LGMN: variants seen among roughly 807,000 people sequenced by gnomAD.
The protein encoded by LGMN is asparaginyl endopeptidase.
Under a neutral mutation model 56.8 loss-of-function variants are expected in LGMN, and 36 were observed. That is an observed-to-expected ratio of 0.63 (90% CI 0.49 to 0.84). The LOEUF (loss-of-function observed/expected upper bound fraction) is 0.84, where lower values mean the gene tolerates loss of function less well. LGMN is among the 40% of genes least tolerant of loss of function. LGMN has a pLI of 0.00. For synonymous variants in LGMN, 199 were observed against 210.1 expected (o/e 0.95, Z 0.46); for missense variants, 446 against 556.1 (o/e 0.80, Z 1.99).
At chr14:92,710,120 A>G (rs1200077074) in intron 10 of LGMN, among the ~76,000 whole-genome samples, 3 of 152,156 alleles carry the variant, frequency 2.0e-5, no homozygotes, top group Non-Finnish European at 4.4e-5. Flanking sequence ...GAGCCCCTGA[A>G]ATCTACCAGT....
intron 1 of LGMN, among the ~76,000 whole-genome samples, chr14:92,747,035 CAAAAAA>C (rs35615315): frequency 1.3e-4 from 10 of 78,978 alleles, no homozygotes; most frequent in Non-Finnish European, 2.3e-4. Context: ...GACTCCGTCT[CAAAAAA>C]AAAAAAAAAA....
At chr14:92,743,449 G>A (rs984611526) in intron 1 of LGMN, among the ~76,000 whole-genome samples, 1 of 151,712 alleles carries the variant, frequency 6.6e-6, no homozygotes, top group African/African-American at 2.4e-5. Context: ...CTTGCAGTGA[G>A]CCAGGATTGC....
At chr14:92,722,127 G>A (rs1186465004) in intron 2 of LGMN, among the ~76,000 whole-genome samples, 1 of 151,448 alleles carries the variant, frequency 6.6e-6, no homozygotes, top group South Asian at 2.1e-4. Flanking sequence ...GGTCTCTGAA[G>A]GGAAGGGAAG....
chr14:92,728,321 T>A (rs1890847304), intron 2 of LGMN, among the ~76,000 whole-genome samples: 1 of 152,208 alleles, frequency 6.6e-6, no homozygotes, highest in Non-Finnish European at 1.5e-5. Context: ...GGGTTCACGC[T>A]CCTATTAGAA....
At chr14:92,722,373 G>T (rs1890521109) in intron 2 of LGMN, among the ~76,000 whole-genome samples, 1 of 152,106 alleles carries the variant, frequency 6.6e-6, no homozygotes, top group South Asian at 2.1e-4. Context: ...TTGAGGTCAG[G>T]AGTTCGAGAC....
At chr14:92,713,015 T>A in intron 7 of LGMN, 144 bp from the exon 8 acceptor site, 2 of 645,342 alleles carry the variant, frequency 3.1e-6, no homozygotes, top group Non-Finnish European at 5.2e-6. Context: ...GTAAAGAGGC[T>A]GCTGCCAGAA....
chr14:92,733,302 C>T (rs1454675213), intron 1 of LGMN, among the ~76,000 whole-genome samples: 1 of 152,126 alleles, frequency 6.6e-6, no homozygotes, highest in Admixed American at 6.6e-5. Context: ...CCAGCCTGTG[C>T]GTGGAGAAGG....
rs765619026 is a variant in LGMN at position 92,712,807 on chromosome 14, T to C, written c.608A>G (p.Asn203Ser). ...AGGCCGGCGCCCCAACCACCTACCA[T>C]TGATGTTATCCGGCAGGTGGTTCAT... ...SMMNHLPDNI[N>S]VYATTAANPR... Residue 203 changes from asparagine to serine, a missense_variant and splice_region_variant, in exon 8 of 14, where the codon AAT becomes AGT. Physicochemically the swap from Asn to Ser is conservative, Grantham distance 46 (BLOSUM62 1). Coordinates refer to ENST00000334869, the MANE Select transcript of LGMN (RefSeq NM_005606.7). The C allele has an allele frequency of 4.3e-6, 7 of 1,613,674 alleles. No homozygotes were observed. Among genetic ancestry groups the C allele is most frequent in the Admixed American group, 3.3e-5 (2 of 59,990 alleles).
chr14:92,723,069 C>T lies in LGMN; in HGVS notation c.139-4225G>A, dbSNP rs564845726. ...TCTAAATTTTTTTTTTTTTTTGAGA[C>T]AGAGTCTTGTTCTGTCGCCCAGACT... is the stretch of plus-strand genomic sequence containing the variant. On this transcript the variant is annotated intron_variant, in intron 2 of 13. Coordinates refer to ENST00000334869, the MANE Select transcript of LGMN (RefSeq NM_005606.7). Among the ~76,000 whole-genome samples, 1,049 of 150,318 alleles carry T rather than the reference C, an allele frequency of 7.0e-3. 12 individuals are homozygous for T. The highest frequency in any genetic ancestry group is 0.024 in the African/African-American group (993 of 40,646).
At position 92,704,994 on chromosome 14, in the gene LGMN, C is replaced by T. The variant is rs573895536; in HGVS notation, c.1192-287G>A. ...GGGAACTCCCGATGGCTCTGCTCCCCGCCATGGCCTGGGATCTCCCCGGGA... is the reference window on the plus strand; with the variant it reads ...GGGAACTCCCGATGGCTCTGCTCCCTGCCATGGCCTGGGATCTCCCCGGGA... On this transcript the variant is annotated intron_variant, in intron 12 of 13. Transcript: ENST00000334869. 119 of 346,824 alleles carry T rather than the reference C, an allele frequency of 3.4e-4. 2 individuals are homozygous for T. In the South Asian group the frequency reaches 4.1e-3, roughly 12 times the overall value. 21.5% of individuals were successfully genotyped at this position (346,824 alleles called of 1,614,324 possible).
chr14:92,728,914 G>A (rs538436329), intron 2 of LGMN, among the ~76,000 whole-genome samples: 5 of 152,224 alleles, frequency 3.3e-5, no homozygotes, highest in South Asian at 4.1e-4. Context: ...GAGATAACAC[G>A]TGCCAAGTGC....
chr14:92,724,779 T>C (rs1172850277), intron 2 of LGMN, among the ~76,000 whole-genome samples: 1 of 152,202 alleles, frequency 6.6e-6, no homozygotes, highest in African/African-American at 2.4e-5. Context: ...TCTGTCTGCT[T>C]GTACTGCCTC....
chr14:92,736,938 T>A (rs914148273), intron 1 of LGMN, among the ~76,000 whole-genome samples: 1 of 152,020 alleles, frequency 6.6e-6, no homozygotes, highest in African/African-American at 2.4e-5. Flanking sequence ...AATATCCATG[T>A]CCCCCAAGCT....
chr14:92,712,041 G>A lies in LGMN; in HGVS notation c.611-86C>T, dbSNP rs553462048. On this transcript the variant is annotated intron_variant, in intron 8 of 13. Transcript: ENST00000334869. ...AAGCTTGAGTCCTTCTTTCTCCCCC[G>A]GTGAAATCGAAGCATGCTACTTATG... 968 of 1,043,858 alleles carry A rather than the reference G, an allele frequency of 9.3e-4. 5 individuals carry two copies. The highest frequency in any genetic ancestry group is 6.3e-4 in the African/African-American group (40 of 63,838). 64.7% of individuals were successfully genotyped at this position (1,043,858 alleles called of 1,614,324 possible).
intron 11 of LGMN, among the ~76,000 whole-genome samples, chr14:92,708,941 T>C (rs1889593062): frequency 6.7e-6 from 1 of 148,438 alleles, no homozygotes; most frequent in Admixed American, 6.8e-5. Context: ...GTGCTGACAA[T>C]GGGGATAAGG....
intron 10 of LGMN, among the ~76,000 whole-genome samples, chr14:92,711,076 G>A (rs544674289): frequency 1.8e-4 from 27 of 152,302 alleles, no homozygotes; most frequent in South Asian, 1.0e-3. Flanking sequence ...CATCCCAAAC[G>A]CTAGCCCCAG....
chr14:92,719,269 G>GCCGCCACCA (rs1890292486), intron 2 of LGMN, among the ~76,000 whole-genome samples: 1 of 15,572 alleles, frequency 6.4e-5, no homozygotes, highest in Non-Finnish European at 1.1e-4. Flanking sequence ...CGCCACCGCC[G>GCCGCCACCA]CCGCCGCCAC....
Position 92,704,191 on chromosome 14 carries a change from AGCCCTGGAGCGG to A in LGMN, c.*116_*127del. ...ATCTTGTGAAGAAGGTCCTGGAGCG[AGCCCTGGAGCGG>A]GGGCTCCCCAGGAGGGCCCGAGCAG... On this transcript the variant is annotated 3_prime_UTR_variant, in exon 14 of 14. Transcript: ENST00000334869. 1 of 1,134,810 alleles carries A rather than the reference AGCCCTGGAGCGG, an allele frequency of 8.8e-7. No individual in the cohort carries two copies. 70.3% of individuals were successfully genotyped at this position (1,134,810 alleles called of 1,614,324 possible). A position where few individuals can be genotyped will look rare whatever the true frequency, so the allele number is the denominator to read the frequency against.
chr14:92,723,739 CTT>C (rs35574676), intron 2 of LGMN, among the ~76,000 whole-genome samples: 9 of 150,022 alleles, frequency 6.0e-5, no homozygotes, highest in South Asian at 2.1e-4. Flanking sequence ...GCCCAAACAA[CTT>C]TTTTTTTTTT....
Sources: allele counts gnomAD v4.1 joint callset (sites outside exome capture counted in the v4.1 genomes callset), GRCh38; gene constraint gnomAD v4.1.1; transcripts MANE v1.5; gene names NCBI Gene and HGNC (gene_info 2026-07-23, HGNC 2026-07-21).